STPG2: variants seen among roughly 807,000 people sequenced by gnomAD.
STPG2 encodes the protein sperm-tail PG-rich repeat-containing protein 2.
In STPG2, 56 loss-of-function variants were observed where a neutral mutation model predicts 54.2. The observed-to-expected ratio is 1.03, with a 90% CI of 0.83 to 1.29. The LOEUF (loss-of-function observed/expected upper bound fraction) is 1.29. STPG2 is among the 50% of genes most tolerant of loss of function. STPG2 has a pLI of 0.00. For synonymous variants in STPG2, 200 were observed against 181.8 expected (o/e 1.10, Z -0.81); for missense variants, 596 against 544.9 (o/e 1.09, Z -0.93).
chr4:97,903,109 T>C (rs990933066), intron 8 of STPG2, among the ~76,000 whole-genome samples: 1 of 152,144 alleles, frequency 6.6e-6, no homozygotes, highest in African/African-American at 2.4e-5. Context: ...AACTCGAAGT[T>C]ACAAAATGAA....
chr4:97,690,058 A>T (rs1181320770), intron 10 of STPG2, among the ~76,000 whole-genome samples: 1 of 152,218 alleles, frequency 6.6e-6, no homozygotes, highest in African/African-American at 2.4e-5. Flanking sequence ...ATTTAAATCA[A>T]TAAAGCAGTT....
intron 4 of STPG2, among the ~76,000 whole-genome samples, chr4:97,455,201 A>G (rs546232425): frequency 6.6e-6 from 1 of 152,314 alleles, no homozygotes; most frequent in South Asian, 2.1e-4. Flanking sequence ...TGGCAATGAC[A>G]TTGATACAGG....
At chr4:98,132,366 A>G (rs943280736) in intron 2 of STPG2, among the ~76,000 whole-genome samples, 3 of 152,086 alleles carry the variant, frequency 2.0e-5, no homozygotes, top group Non-Finnish European at 2.9e-5. Context: ...AATGTACTTC[A>G]TATCACATAA....
At chr4:97,931,175 T>A (rs1405911322) in intron 8 of STPG2, among the ~76,000 whole-genome samples, 1 of 152,194 alleles carries the variant, frequency 6.6e-6, no homozygotes, top group Non-Finnish European at 1.5e-5. Flanking sequence ...TGCCTTTTAT[T>A]TTTTTCTCCT....
intron 10 of STPG2, among the ~76,000 whole-genome samples, chr4:97,638,525 A>G (rs527748166): frequency 6.6e-6 from 1 of 151,970 alleles, no homozygotes; most frequent in East Asian, 1.9e-4. Context: ...GCTTCTGCGC[A>G]GCAAAAGAAA....
chr4:98,081,376 G>C (rs1449200883), intron 5 of STPG2, among the ~76,000 whole-genome samples: 1 of 152,038 alleles, frequency 6.6e-6, no homozygotes, highest in African/African-American at 2.4e-5. Flanking sequence ...ATCGTCCATT[G>C]AGTTTCCATT....
intron 4 of STPG2, among the ~76,000 whole-genome samples, chr4:97,461,765 T>G (rs1729669685): frequency 6.6e-6 from 1 of 152,236 alleles, no homozygotes; most frequent in African/African-American, 2.4e-5. Context: ...TTTTTCTTTT[T>G]AATGTGCCTG....
intron 5 of STPG2, among the ~76,000 whole-genome samples, chr4:98,083,138 C>T (rs950463384): frequency 6.6e-6 from 1 of 152,130 alleles, no homozygotes; most frequent in African/African-American, 2.4e-5. Flanking sequence ...ACTTCTTCTT[C>T]TCTTTCACCC....
intron 10 of STPG2, among the ~76,000 whole-genome samples, chr4:97,693,891 TTAAA>T: frequency 6.6e-6 from 1 of 152,240 alleles, no homozygotes. Flanking sequence ...TACATGGAAA[TTAAA>T]TAACCTGCTC....
rs762832108 is a variant in STPG2, at chr4:98,134,469, T to C, written c.110-10A>G. The C allele has an allele frequency of 1.3e-6, 2 of 1,509,796 alleles. No individual in the cohort carries two copies. The highest frequency in any genetic ancestry group is 3.8e-5 in the Admixed American group (2 of 52,344). The allele number at this position is 1,509,796 out of a possible 1,614,324, so 93.5% of individuals were successfully genotyped here. ...AATGGTGCATTACTACCTATAAAAA[T>C]AAAATCATATGACCAGCAGATAAGA... is the stretch of plus-strand genomic sequence containing the variant. On this transcript the variant is annotated splice_polypyrimidine_tract_variant and intron_variant, in intron 1 of 10. Coordinates refer to ENST00000295268, the MANE Select transcript of STPG2 (RefSeq NM_174952.3).
intron 4 of STPG2, among the ~76,000 whole-genome samples, chr4:97,474,793 A>C (rs925500261): frequency 6.6e-6 from 1 of 152,156 alleles, no homozygotes; most frequent in Non-Finnish European, 1.5e-5. Flanking sequence ...AACTCTCCTC[A>C]AATACAAAAT....
intron 4 of STPG2, among the ~76,000 whole-genome samples, chr4:97,456,850 G>A (rs773529843): frequency 1.5e-5 from 2 of 136,780 alleles, no homozygotes; most frequent in African/African-American, 3.2e-5. Context: ...AGCTGAGATC[G>A]CGCCACCGCA....
chr4:97,937,773 T>A (rs1732800945), intron 8 of STPG2, among the ~76,000 whole-genome samples: 1 of 152,204 alleles, frequency 6.6e-6, no homozygotes, highest in Admixed American at 6.6e-5. Context: ...CTGGGATCTC[T>A]GACCTCGAGG....
intron 4 of STPG2, among the ~76,000 whole-genome samples, chr4:97,479,654 T>C (rs1304201687): frequency 6.6e-6 from 1 of 151,782 alleles, no homozygotes; most frequent in Non-Finnish European, 1.5e-5. Context: ...GATTTTAGAG[T>C]CTTTAGGAAG....
intron 5 of STPG2, among the ~76,000 whole-genome samples, chr4:97,997,472 T>A (rs1735278713): frequency 6.6e-6 from 1 of 152,144 alleles, no homozygotes; most frequent in Admixed American, 6.5e-5. Context: ...ACTCACCCAC[T>A]ATCATGAGGA....
At chr4:98,048,124 A>G (rs927054946) in intron 5 of STPG2, among the ~76,000 whole-genome samples, 4 of 152,208 alleles carry the variant, frequency 2.6e-5, no homozygotes, top group African/African-American at 9.6e-5. Context: ...GTGCACATAA[A>G]TATCCTGGGG....
At chr4:97,888,618 G>A (rs1170643905) in intron 8 of STPG2, among the ~76,000 whole-genome samples, 2 of 152,200 alleles carry the variant, frequency 1.3e-5, no homozygotes, top group Non-Finnish European at 2.9e-5. Flanking sequence ...AGAACACACT[G>A]CCTTGTCTCA....
At chr4:98,057,940 A>C (rs929607986) in intron 5 of STPG2, among the ~76,000 whole-genome samples, 1 of 152,254 alleles carries the variant, frequency 6.6e-6, no homozygotes, top group Non-Finnish European at 1.5e-5. Context: ...CCAGATTTTC[A>C]TATCTAGCCA....
intron 5 of STPG2, among the ~76,000 whole-genome samples, chr4:98,062,928 G>A (rs1341550832): frequency 1.3e-5 from 2 of 151,582 alleles, no homozygotes; most frequent in African/African-American, 4.8e-5. Context: ...ATAAAAATTT[G>A]TTGTAAAGAC....
Sources: gnomAD v4.1 joint callset for allele counts (sites outside exome capture counted in the v4.1 genomes callset) on GRCh38, gnomAD v4.1.1 for gene constraint, MANE v1.5 for transcripts, NCBI Gene and HGNC (gene_info 2026-07-23, HGNC 2026-07-21) for gene names.